The following PPFIA2 variants were observed in gnomAD, a reference collection of about 807,000 sequenced individuals.
The protein encoded by PPFIA2 is liprin-alpha-2.
PPFIA2 carries 46 observed loss-of-function variants against 175.5 expected under a neutral mutation model. The ratio of observed to expected loss-of-function variants is 0.26; its 90% CI spans 0.21 to 0.34. The LOEUF is 0.34. PPFIA2 is among the 10% of genes least tolerant of loss of function. The pLI is 1.00. For missense variants in PPFIA2, 1,179 were observed against 1,506.1 expected, an observed-to-expected ratio of 0.78 and a Z score of 3.60; for synonymous variants, 568 against 511.4, an observed-to-expected ratio of 1.11 and a Z score of -1.49.
intron 4 of PPFIA2, among the ~76,000 whole-genome samples, chr12:81,640,694 C>A (rs116478615): frequency 0.057 from 8,727 of 152,024 alleles, 356 homozygotes; most frequent in East Asian, 0.24. Context: ...CTGAGATGTG[C>A]TTTTGTTATA....
Position 81,358,163 on chromosome 12 carries a change from G to A in PPFIA2, c.1692C>T (p.Asp564=), listed in dbSNP as rs1555309063. The A allele has an allele frequency of 1.9e-6, 3 of 1,597,226 alleles. No homozygotes were observed. Among genetic ancestry groups the A allele is most frequent in the Admixed American group, 1.7e-5 (1 of 58,140 alleles). The change falls in exon 16 of 33, where the codon GAC becomes GAT. Residue 564 remains aspartate (D), a synonymous_variant. Coordinates refer to ENST00000549396, the MANE Select transcript of PPFIA2 (RefSeq NM_003625.5). ...TAGTTGTTCTGTAATCAGACTGGCT[G>A]TCCACTAGGGATCCCACTGAGTACC... The part of the protein sequence containing the change: ...ELRYSVGSLV[D]SQSDYRTTKV...
chr12:81,543,905 T>C (rs896909993), intron 4 of PPFIA2, among the ~76,000 whole-genome samples: 1 of 152,162 alleles, frequency 6.6e-6, no homozygotes, highest in Non-Finnish European at 1.5e-5. Context: ...AGGGATATTC[T>C]TCCCAACACG....
chr12:81,605,082 A>G (rs1216453304), intron 4 of PPFIA2, among the ~76,000 whole-genome samples: 1 of 151,856 alleles, frequency 6.6e-6, no homozygotes, highest in African/African-American at 2.4e-5. Context: ...CTTTTATATC[A>G]GGAAATTCAA....
chr12:81,560,273 TGAGA>T (rs963019838), intron 4 of PPFIA2, among the ~76,000 whole-genome samples: 3 of 150,848 alleles, frequency 2.0e-5, no homozygotes, highest in Admixed American at 6.6e-5. Context: ...TGTGTGTGTG[TGAGA>T]GAGAGAGAGA....
At chr12:81,317,334 T>A (rs2052615599) in intron 22 of PPFIA2, among the ~76,000 whole-genome samples, 1 of 151,500 alleles carries the variant, frequency 6.6e-6, no homozygotes, top group South Asian at 2.1e-4. Context: ...TTGAAATTAA[T>A]CCTAGGGTTG....
intron 28 of PPFIA2, among the ~76,000 whole-genome samples, chr12:81,270,373 G>A (rs2038735801): frequency 6.6e-6 from 1 of 152,104 alleles, no homozygotes; most frequent in African/African-American, 2.4e-5. Flanking sequence ...AATTCTTGTA[G>A]AAGCCCTAAC....
At chr12:81,367,074 GA>G in intron 14 of PPFIA2, 33 bp downstream of exon 14, 1 of 1,447,400 alleles carries the variant, frequency 6.9e-7, no homozygotes. Context: ...AATAAAAATA[GA>G]AAATGGGCCC....
chr12:81,523,998 C>A (rs2063460363), intron 4 of PPFIA2, among the ~76,000 whole-genome samples: 1 of 152,186 alleles, frequency 6.6e-6, no homozygotes, highest in Admixed American at 6.5e-5. Flanking sequence ...TACAAAAGTT[C>A]TCTTATTTTC....
chr12:81,735,989 T>A (rs2081525811), intron 3 of PPFIA2, among the ~76,000 whole-genome samples: 1 of 151,916 alleles, frequency 6.6e-6, no homozygotes, highest in Admixed American at 6.6e-5. Flanking sequence ...AGTTTTGAAA[T>A]CAGTAAATGT....
chr12:81,571,182 G>C (rs1162762929), intron 4 of PPFIA2, among the ~76,000 whole-genome samples: 1 of 151,896 alleles, frequency 6.6e-6, no homozygotes, highest in Non-Finnish European at 1.5e-5. Context: ...AAAATTTCTT[G>C]CGTAAAATGC....
At chr12:81,628,599 G>A (rs530966598) in intron 4 of PPFIA2, among the ~76,000 whole-genome samples, 9 of 152,106 alleles carry the variant, frequency 5.9e-5, no homozygotes, top group African/African-American at 1.9e-4. Context: ...GCCTGGTTTC[G>A]AACTCCTGAC....
intron 4 of PPFIA2, among the ~76,000 whole-genome samples, chr12:81,633,990 C>T (rs1287425839): frequency 6.6e-6 from 1 of 152,026 alleles, no homozygotes; most frequent in South Asian, 2.1e-4. Flanking sequence ...TTCAAAAGCA[C>T]TCTCTTGTGT....
intron 4 of PPFIA2, among the ~76,000 whole-genome samples, chr12:81,586,719 G>C (rs1363381248): frequency 6.6e-6 from 1 of 151,644 alleles, no homozygotes; most frequent in Admixed American, 6.6e-5. Context: ...ACAAAATAAT[G>C]TATATATTAT....
intron 2 of PPFIA2, 23 bp from the exon 3 acceptor site, chr12:81,754,246 G>C: frequency 6.4e-7 from 1 of 1,568,306 alleles, no homozygotes; most frequent in Non-Finnish European, 8.7e-7. Context: ...AAGTGGGAAG[G>C]AGTCTTAGTA....
chr12:81,327,744 G>GAA (rs557108907), intron 21 of PPFIA2, among the ~76,000 whole-genome samples: 1 of 151,512 alleles, frequency 6.6e-6, no homozygotes, highest in Non-Finnish European at 1.5e-5. Flanking sequence ...AATTTTAATA[G>GAA]AAAAAAATCA....
At position 81,576,118 on chromosome 12, in the gene PPFIA2, C is replaced by A. The variant is rs532242926; in HGVS notation, c.303+100673G>T. On this transcript the variant is annotated intron_variant, in intron 4 of 32. Coordinates refer to ENST00000549396, the MANE Select transcript of PPFIA2 (RefSeq NM_003625.5). ...TTCCCTTCAGTTTTAAGTTCCCTTA[C>A]AATTGAAGGGAAGCTGGTGTGGTCA... Among the ~76,000 whole-genome samples the A allele has an allele frequency of 2.0e-4, 31 of 151,570 alleles. No individual in the cohort carries two copies. In the South Asian group the frequency reaches 3.5e-3, roughly 17 times the overall value.
chr12:81,347,401 G>A, intron 18 of PPFIA2, 132 bp downstream of exon 18: 1 of 821,434 alleles, frequency 1.2e-6, no homozygotes, highest in South Asian at 1.5e-5. Context: ...TAGGGATGTT[G>A]TGAATAAGAA....
intron 3 of PPFIA2, among the ~76,000 whole-genome samples, chr12:81,722,217 G>A (rs550080812): frequency 1.3e-5 from 2 of 150,820 alleles, no homozygotes; most frequent in Non-Finnish European, 3.0e-5. Flanking sequence ...CAAGCCCCAC[G>A]TTTCTCCCAG....
intron 6 of PPFIA2, among the ~76,000 whole-genome samples, chr12:81,443,530 A>AT (rs141555072): frequency 0.095 from 14,464 of 151,572 alleles, 838 homozygotes; most frequent in Middle Eastern, 0.16. Context: ...TACAACAACC[A>AT]TTTTTTTCTT....
Sources: gnomAD v4.1 joint callset for allele counts (sites outside exome capture counted in the v4.1 genomes callset) on GRCh38, gnomAD v4.1.1 for gene constraint, MANE v1.5 for transcripts, NCBI Gene and HGNC (gene_info 2026-07-23, HGNC 2026-07-21) for gene names.